Variants in LRRTM4 observed in about 807,000 individuals in gnomAD.
The protein encoded by LRRTM4 is leucine rich repeat transmembrane neuronal 4.
LRRTM4 carries 25 observed loss-of-function variants against 47.6 expected under a neutral mutation model. The observed-to-expected ratio is 0.53, with a 90% confidence interval of 0.38 to 0.73. The LOEUF (loss-of-function observed/expected upper bound fraction) is 0.73. LRRTM4 is among the 30% of genes least tolerant of loss of function. The pLI is 0.00. For synonymous variants in LRRTM4, 311 were observed against 269.5 expected, an observed-to-expected ratio of 1.15 and a Z score of -1.51; for missense variants, 638 against 713.4, an observed-to-expected ratio of 0.89 and a Z score of 1.20.
At chr2:76,830,749 A>C (rs1453392464) in intron 3 of LRRTM4, among the ~76,000 whole-genome samples, 1 of 152,034 alleles carries the variant, frequency 6.6e-6, no homozygotes, top group Admixed American at 6.6e-5. Flanking sequence ...AGAAATGGGG[A>C]GATTGTGCTT....
intron 3 of LRRTM4, among the ~76,000 whole-genome samples, chr2:77,281,319 G>A (rs1022923594): frequency 2.6e-5 from 4 of 151,792 alleles, no homozygotes; most frequent in Admixed American, 1.3e-4. Flanking sequence ...TTCTGTAGAT[G>A]GTTATGATCT....
At chr2:77,206,291 GC>G (rs1674124755) in intron 3 of LRRTM4, among the ~76,000 whole-genome samples, 1 of 150,364 alleles carries the variant, frequency 6.7e-6, no homozygotes, top group African/African-American at 2.5e-5. Context: ...CGATTTTTGT[GC>G]CTCAGCCTCC....
chr2:77,028,149 A>C (rs371921336), intron 3 of LRRTM4, among the ~76,000 whole-genome samples: 2 of 152,266 alleles, frequency 1.3e-5, no homozygotes, highest in South Asian at 2.1e-4. Flanking sequence ...ATTCAGTTGG[A>C]AAAAGTAAAT....
At chr2:76,853,804 G>C (rs935419405) in intron 3 of LRRTM4, among the ~76,000 whole-genome samples, 2 of 152,120 alleles carry the variant, frequency 1.3e-5, no homozygotes, top group African/African-American at 4.8e-5. Context: ...GTGTTTTTCT[G>C]TAAGAACAAA....
At chr2:76,937,631 C>A (rs991955630) in intron 3 of LRRTM4, among the ~76,000 whole-genome samples, 6 of 152,162 alleles carry the variant, frequency 3.9e-5, no homozygotes, top group Non-Finnish European at 8.8e-5. Context: ...TGCAGTGGTG[C>A]GATCCCGACT....
At chr2:77,237,243 T>C (rs1675126899) in intron 3 of LRRTM4, among the ~76,000 whole-genome samples, 1 of 151,976 alleles carries the variant, frequency 6.6e-6, no homozygotes, top group Non-Finnish European at 1.5e-5. Flanking sequence ...TGTTCAGGGT[T>C]TTGATTTCTT....
intron 3 of LRRTM4, among the ~76,000 whole-genome samples, chr2:77,296,811 G>A (rs1451515130): frequency 2.6e-5 from 4 of 152,158 alleles, no homozygotes; most frequent in African/African-American, 9.7e-5. Context: ...CATGAATGTA[G>A]AACGATGCCC....
chr2:76,781,040 G>A (rs1363992870), intron 3 of LRRTM4, among the ~76,000 whole-genome samples: 9 of 152,194 alleles, frequency 5.9e-5, no homozygotes, highest in African/African-American at 1.9e-4. Context: ...CAGTGTGCCC[G>A]TGCTTGGGGG....
intron 3 of LRRTM4, among the ~76,000 whole-genome samples, chr2:77,113,373 G>A (rs1201307864): frequency 3.3e-5 from 5 of 152,148 alleles, no homozygotes; most frequent in Non-Finnish European, 7.3e-5. Context: ...CTGAGTACAA[G>A]CATCCTTGAA....
chr2:76,903,491 G>T (rs1673715529), intron 3 of LRRTM4, among the ~76,000 whole-genome samples: 2 of 152,236 alleles, frequency 1.3e-5, no homozygotes, highest in African/African-American at 2.4e-5. Context: ...AGCCGAGATT[G>T]CATCACTGCA....
At chr2:77,479,080 G>C (rs1677549407) in intron 3 of LRRTM4, among the ~76,000 whole-genome samples, 1 of 152,020 alleles carries the variant, frequency 6.6e-6, no homozygotes, top group Non-Finnish European at 1.5e-5. Flanking sequence ...ATTTTTAGTA[G>C]AGATGGGGTT....
chr2:77,339,074 A>G (rs1671272280), intron 3 of LRRTM4, among the ~76,000 whole-genome samples: 1 of 151,924 alleles, frequency 6.6e-6, no homozygotes, highest in Non-Finnish European at 1.5e-5. Flanking sequence ...AAAGTTGGGA[A>G]CAATAGATAC....
intron 3 of LRRTM4, among the ~76,000 whole-genome samples, chr2:77,005,776 G>A (rs771013335): frequency 1.3e-5 from 2 of 152,170 alleles, no homozygotes; most frequent in Non-Finnish European, 2.9e-5. Flanking sequence ...GGAACTGTGA[G>A]TCAAACCTCT....
intron 3 of LRRTM4, among the ~76,000 whole-genome samples, chr2:77,456,302 C>G (rs557660101): frequency 6.6e-6 from 1 of 152,110 alleles, no homozygotes; most frequent in Non-Finnish European, 1.5e-5. Context: ...AGCTAGTGAT[C>G]TTTTCTAATA....
intron 3 of LRRTM4, among the ~76,000 whole-genome samples, chr2:77,022,407 A>C (rs950020872): frequency 1.3e-5 from 2 of 151,970 alleles, no homozygotes; most frequent in Non-Finnish European, 2.9e-5. Flanking sequence ...CAAAACCAAT[A>C]ATGCCTTCCC....
At chr2:77,424,578 T>G (rs1028018217) in intron 3 of LRRTM4, among the ~76,000 whole-genome samples, 7 of 152,218 alleles carry the variant, frequency 4.6e-5, no homozygotes, top group Non-Finnish European at 2.9e-5. Context: ...TATTTTGCAA[T>G]TTGATGTCTT....
chr2:77,055,290 G>A (rs991708160), intron 3 of LRRTM4, among the ~76,000 whole-genome samples: 7 of 152,300 alleles, frequency 4.6e-5, no homozygotes, highest in Non-Finnish European at 8.8e-5. Context: ...TTGATTCTCA[G>A]GAAAGAACAT....
At chr2:76,877,377 A>AT (rs5832259) in intron 3 of LRRTM4, among the ~76,000 whole-genome samples, 166 of 150,594 alleles carry the variant, frequency 1.1e-3, no homozygotes, top group African/African-American at 3.4e-3. Context: ...AATTTCTGAG[A>AT]TTTTTTTTTT....
At chr2:77,278,130 A>G (rs1676411552) in intron 3 of LRRTM4, among the ~76,000 whole-genome samples, 1 of 151,954 alleles carries the variant, frequency 6.6e-6, no homozygotes, top group Non-Finnish European at 1.5e-5. Flanking sequence ...TAGAAGTCCA[A>G]GGTTCAAAGC....
Sources: gnomAD v4.1 joint callset for allele counts (sites outside exome capture counted in the v4.1 genomes callset) on GRCh38, gnomAD v4.1.1 for gene constraint, MANE v1.5 for transcripts, NCBI Gene and HGNC (gene_info 2026-07-23, HGNC 2026-07-21) for gene names.